The following CASP8 variants were observed in gnomAD, a reference collection of about 807,000 sequenced individuals.
CASP8 encodes caspase 8, also known as caspase-8.
CASP8 carries 24 observed loss-of-function variants against 46.3 expected under a neutral mutation model. The ratio of observed to expected loss-of-function variants is 0.52; its 90% CI spans 0.38 to 0.73. The LOEUF (loss-of-function observed/expected upper bound fraction) is 0.73, where lower values mean the gene tolerates loss of function less well. Among genes scored for constraint, CASP8 ranks in the 30% least tolerant of loss-of-function variants. The probability of loss-of-function intolerance (pLI) is 0.00; values close to 1 mark genes in which losing one functional copy is unlikely to be tolerated. For synonymous variants in CASP8, 188 were observed against 200.4 expected (o/e 0.94, Z 0.52); for missense variants, 460 against 559.0 (o/e 0.82, Z 1.79).
chr2:201,237,438 T>TAA (rs774127508), intron 2 of CASP8, among the ~76,000 whole-genome samples: 14 of 46,052 alleles, frequency 3.0e-4, no homozygotes, highest in East Asian at 2.5e-3. Flanking sequence ...ATCTTCAGAG[T>TAA]AAAAAAAAAA....
intron 7 of CASP8, chr2:201,281,828 T>TGGTGGCAAAAACATTC (rs1949037870): frequency 6.9e-7 from 1 of 1,449,638 alleles, no homozygotes; most frequent in Non-Finnish European, 9.2e-7. Context: ...TCTCATTTGC[T>TGGTGGCAAAAACATTC]TCAGGGTTTG....
chr2:201,243,764 G>A (rs1418422173), intron 2 of CASP8, among the ~76,000 whole-genome samples: 1 of 152,202 alleles, frequency 6.6e-6, no homozygotes, highest in East Asian at 1.9e-4. Context: ...GATTTGATAA[G>A]TTAGTTTAAT....
chr2:201,285,762 C>T (rs1422362652), intron 8 of CASP8, among the ~76,000 whole-genome samples: 1 of 152,202 alleles, frequency 6.6e-6, no homozygotes, highest in Non-Finnish European at 1.5e-5. Context: ...GTTTAAACAT[C>T]CTCCAACTCT....
chr2:201,275,229 CCTACCAAATCTT>C (rs1487250751), intron 6 of CASP8, among the ~76,000 whole-genome samples: 49 of 152,040 alleles, frequency 3.2e-4, no homozygotes, highest in Non-Finnish European at 5.9e-4. Flanking sequence ...TAATAAGCCT[CCTACCAAATCTT>C]CTAGCAGCCG....
chr2:201,244,386 G>GGA (rs1232608605), intron 2 of CASP8, among the ~76,000 whole-genome samples: 1 of 152,178 alleles, frequency 6.6e-6, no homozygotes, highest in African/African-American at 2.4e-5. Context: ...CTATTCTGTA[G>GGA]GAGAGAGAGA....
intron 1 of CASP8, among the ~76,000 whole-genome samples, chr2:201,263,334 A>G (rs948186048): frequency 3.9e-4 from 60 of 152,228 alleles, no homozygotes; most frequent in African/African-American, 1.4e-3. Flanking sequence ...TATGTAAATT[A>G]TAGCCCATCT....
At chr2:201,273,065 T>TC in intron 5 of CASP8, 123 bp downstream of exon 5, 1 of 788,316 alleles carries the variant, frequency 1.3e-6, no homozygotes, top group Non-Finnish European at 2.0e-6. Flanking sequence ...TTTCTTTTTT[T>TC]TTTTTTTTTT....
At chr2:201,283,692 C>A (rs1949321502) in intron 7 of CASP8, among the ~76,000 whole-genome samples, 1 of 85,690 alleles carries the variant, frequency 1.2e-5, no homozygotes, top group Non-Finnish European at 2.8e-5. Flanking sequence ...GGCCGACCAC[C>A]CCCCCCCGCC....
chr2:201,282,922 C>T (rs1204644824), intron 7 of CASP8, among the ~76,000 whole-genome samples: 19 of 65,826 alleles, frequency 2.9e-4, no homozygotes, highest in East Asian at 9.3e-4. Context: ...ACCTCCCGGA[C>T]GGGGCGGCTG....
At chr2:201,273,993 A>G (rs902266081) in intron 5 of CASP8, among the ~76,000 whole-genome samples, 1 of 152,190 alleles carries the variant, frequency 6.6e-6, no homozygotes, top group Non-Finnish European at 1.5e-5. Context: ...AAAATTATAT[A>G]CACTAATTGA....
At chr2:201,283,451 C>T (rs1480541122) in intron 7 of CASP8, among the ~76,000 whole-genome samples, 3 of 75,200 alleles carry the variant, frequency 4.0e-5, no homozygotes, top group Non-Finnish European at 9.4e-5. Context: ...GGTTGACCCC[C>T]CCACCTCCCT....
chr2:201,261,772 A>T (rs1947436857), intron 1 of CASP8, among the ~76,000 whole-genome samples: 1 of 152,174 alleles, frequency 6.6e-6, no homozygotes, highest in South Asian at 2.1e-4. Flanking sequence ...CAAGCTTCGG[A>T]TGAGATGCAG....
chr2:201,258,310 C>T (rs776284223), upstream of CASP8: 3 of 1,614,108 alleles, frequency 1.9e-6, no homozygotes, highest in Admixed American at 3.3e-5. Flanking sequence ...CACCCCCTTC[C>T]CTGCTGAGCA....
chr2:201,269,365 A>G, intron 2 of CASP8: 1 of 640,634 alleles, frequency 1.6e-6, no homozygotes, highest in Non-Finnish European at 2.8e-6. Flanking sequence ...CCAGTACACT[A>G]GATAGCTTTG....
chr2:201,249,731 A>C (rs1407183808), intron 2 of CASP8, among the ~76,000 whole-genome samples: 1 of 151,760 alleles, frequency 6.6e-6, no homozygotes, highest in East Asian at 1.9e-4. Flanking sequence ...TCTCAGAAAG[A>C]AAAAAAAAGA....
chr2:201,235,650 A>G (rs942579189), intron 2 of CASP8, among the ~76,000 whole-genome samples: 2 of 152,186 alleles, frequency 1.3e-5, no homozygotes, highest in Non-Finnish European at 2.9e-5. Context: ...CTTTACTGAG[A>G]TATGATTGAT....
chr2:201,281,514 G>A (rs1949006559), intron 7 of CASP8, among the ~76,000 whole-genome samples: 1 of 152,118 alleles, frequency 6.6e-6, no homozygotes, highest in African/African-American at 2.4e-5. Context: ...ACTGAAAGTG[G>A]TTGCCTTCAT....
intron 1 of CASP8, chr2:201,233,754 G>C (rs1945921908): frequency 6.6e-6 from 1 of 152,248 alleles, no homozygotes; most frequent in African/African-American, 2.4e-5. Flanking sequence ...GCAAGTGAGA[G>C]GCAGAGCTGG....
chr2:201,247,130 A>C (rs574779342), intron 2 of CASP8, among the ~76,000 whole-genome samples: 173 of 143,444 alleles, frequency 1.2e-3, no homozygotes, highest in Non-Finnish European at 2.0e-3. Context: ...TGGAGGTTGC[A>C]GTGAACCAAG....
Sources: allele counts gnomAD v4.1 joint callset (sites outside exome capture counted in the v4.1 genomes callset), GRCh38; gene constraint gnomAD v4.1.1; transcripts MANE v1.5; gene names NCBI Gene and HGNC (gene_info 2026-07-23, HGNC 2026-07-21).